RFLNA: variants seen among roughly 807,000 people sequenced by gnomAD.
The protein encoded by RFLNA is refilin-A.
In RFLNA, 5 loss-of-function variants were observed where a neutral mutation model predicts 7.8. The ratio of observed to expected loss-of-function variants is 0.64; its 90% confidence interval spans 0.34 to 1.35. RFLNA has a LOEUF of 1.35. Ranked by LOEUF, RFLNA falls within the 40% of genes most tolerant of loss-of-function variation. The pLI is 0.04. For synonymous variants in RFLNA, 141 were observed against 131.3 expected (o/e 1.07, Z -0.50); for missense variants, 278 against 305.5 (o/e 0.91, Z 0.67).
Position 124,306,791 on chromosome 12 carries a change from A to G in RFLNA, c.208-5027A>G, listed in dbSNP as rs1292687643. On this transcript the variant is annotated intron_variant, in intron 1 of 2. Coordinates refer to ENST00000546355, the MANE Select transcript of RFLNA (RefSeq NM_001365156.1). The surrounding 1 kb of genome is among the most constrained non-coding windows in gnomAD (Gnocchi z 5.2). ...AGCTCTGCATCCTCATTGTCCAGGC[A>G]GGTATGGGGGCGGCGGGGAGGGGAC... Among the ~76,000 whole-genome samples the G allele has an allele frequency of 6.6e-6, 1 of 152,140 alleles. No individual in the cohort carries two copies. The highest frequency in any genetic ancestry group is 6.5e-5 in the Admixed American group (1 of 15,284).
chr12:124,303,335 C>CG (rs1421502921), intron 1 of RFLNA, among the ~76,000 whole-genome samples: 1 of 152,172 alleles, frequency 6.6e-6, no homozygotes, highest in Admixed American at 6.5e-5. Flanking sequence ...CAGCGGCTCC[C>CG]GGGGAAGGCT....
rs201197146 is a variant in RFLNA at position 124,311,863 on chromosome 12, C to T, written c.253C>T (p.Arg85Trp). Residue 85 changes from arginine to tryptophan, a missense_variant, in exon 2 of 3, where the codon CGG (arginine) becomes TGG (tryptophan). Coordinates refer to ENST00000546355, the MANE Select transcript of RFLNA (RefSeq NM_001365156.1). ...PNPPASEMRP[R>W]MLPVFFGESI... ...TCCCCCGGCGTCGGAGATGAGGCCC[C>T]GGATGCTGCCAGTGTTCTTTGGGGA... is the stretch of plus-strand genomic sequence containing the variant. 1.3e-5 allele frequency: 20 copies of T among 1,598,244 alleles called. No individual in the cohort carries two copies. Among genetic ancestry groups the T allele is most frequent in the South Asian group, 8.9e-5 (8 of 89,550 alleles).
chr12:124,311,966 GGGGGGTT>G, intron 2 of RFLNA, 39 bp downstream of exon 2: 17 of 1,468,636 alleles, frequency 1.2e-5, no homozygotes, highest in African/African-American at 1.4e-5. Context: ...AGGAGGGGGT[GGGGGGTT>G]GGGTGCTGGT....
At chr12:124,312,163 G>A (rs1231107128) in intron 2 of RFLNA, among the ~76,000 whole-genome samples, 5 of 151,894 alleles carry the variant, frequency 3.3e-5, no homozygotes, top group South Asian at 4.2e-4. Flanking sequence ...TCCACCCCAC[G>A]CCCCCACCCC....
At chr12:124,302,267 C>G (rs1202896046) in intron 1 of RFLNA, among the ~76,000 whole-genome samples, 2 of 152,212 alleles carry the variant, frequency 1.3e-5, no homozygotes, top group Admixed American at 1.3e-4. Context: ...CCACACCCAT[C>G]TTGCTGACTT....
At chr12:124,305,398 T>C (rs1016408178) in intron 1 of RFLNA, among the ~76,000 whole-genome samples, 2 of 152,068 alleles carry the variant, frequency 1.3e-5, no homozygotes, top group African/African-American at 2.4e-5. Context: ...AGACGGGAAG[T>C]CATTGGCCCA....
chr12:124,310,190 A>AAAAAAAAAAAAAAAAAAAAAAAAAAAAC (rs2034215578), intron 1 of RFLNA, among the ~76,000 whole-genome samples: 1 of 146,274 alleles, frequency 6.8e-6, no homozygotes, highest in Non-Finnish European at 1.5e-5. Flanking sequence ...AAAAAAAAAA[A>AAAAAAAAAAAAAAAAAAAAAAAAAAAAC]AAAAAAGCCT....
chr12:124,315,485 C>T lies in RFLNA; in HGVS notation c.*960C>T, dbSNP rs2034335320. 6.6e-6 allele frequency: 1 copy of T among 152,260 alleles called. No homozygotes were observed. Among genetic ancestry groups the T allele is most frequent in the Non-Finnish European group, 1.5e-5 (1 of 68,066 alleles). 9.4% of individuals were successfully genotyped at this position (152,260 alleles called of 1,614,324 possible). ...GACACTGAGGGGACCGGGCTGCCGC[C>T]CTCAGCCTGCATTCCTGTGCGCAAT... On this transcript the variant is annotated 3_prime_UTR_variant, in exon 3 of 3. Transcript: ENST00000546355.
At chr12:124,294,920 G>T (rs889692680), upstream of RFLNA, among the ~76,000 whole-genome samples, 1 of 152,184 alleles carries the variant, frequency 6.6e-6, no homozygotes, top group African/African-American at 2.4e-5. Context: ...GGGAGTGGGG[G>T]ACACACGCGC....
intron 1 of RFLNA, among the ~76,000 whole-genome samples, chr12:124,298,303 A>G (rs1455470401): frequency 6.6e-6 from 1 of 151,020 alleles, no homozygotes; most frequent in Non-Finnish European, 1.5e-5. Flanking sequence ...AGGCCCCCCC[A>G]CTTTGTTTGA....
At position 124,289,503 on chromosome 12, in the gene RFLNA, T is replaced by G. The variant is rs2033785395; in HGVS notation, c.-37+133T>G. On this transcript the variant is annotated intron_variant, in intron 1 of 2. Coordinates refer to the RFLNA transcript ENST00000324038. This position sits in a 1 kb window ranked among gnomAD's most constrained non-coding sequence, Gnocchi z 5.0. ...AGCACTGGGAATCTGGAGGCTGTCC[T>G]GGACACGCACATACAAATGGCAGCA... 1 of 152,230 alleles carries G rather than the reference T, an allele frequency of 6.6e-6. No homozygotes were observed. The highest frequency in any genetic ancestry group is 1.9e-4 in the East Asian group (1 of 5,190). 9.4% of individuals were successfully genotyped at this position (152,230 alleles called of 1,614,324 possible). A position where few individuals can be genotyped will look rare whatever the true frequency, so the allele number is the denominator to read the frequency against.
chr12:124,314,298 C>T lies in RFLNA; in HGVS notation c.424C>T (p.Pro142Ser), dbSNP rs1490275259. ...TAYSETIVAAPNCTWRNYRSQ... is the reference protein window; with the variant it reads ...TAYSETIVAASNCTWRNYRSQ... ...CTACAGCGAGACCATCGTGGCAGCA[C>T]CCAACTGCACGTGGCGCAACTACCG... The change falls in exon 3 of 3, where the codon CCC becomes TCC. Residue 142 changes from proline to serine, a missense_variant. Coordinates refer to ENST00000546355, the MANE Select transcript of RFLNA (RefSeq NM_001365156.1). 6.2e-7 allele frequency: 1 copy of T among 1,613,432 alleles called. No individual in the cohort carries two copies. The highest frequency in any genetic ancestry group is 8.5e-7 in the Non-Finnish European group (1 of 1,180,040).
At chr12:124,294,145 G>C (rs1273919159), upstream of RFLNA, among the ~76,000 whole-genome samples, 2 of 152,184 alleles carry the variant, frequency 1.3e-5, no homozygotes, top group Non-Finnish European at 2.9e-5. Flanking sequence ...TCAGTTTGGG[G>C]GTGTCCAAAG....
At chr12:124,303,887 G>A (rs187315499) in intron 1 of RFLNA, among the ~76,000 whole-genome samples, 1 of 152,202 alleles carries the variant, frequency 6.6e-6, no homozygotes, top group African/African-American at 2.4e-5. Flanking sequence ...GGGGCTTCCC[G>A]TGCCCAAGGT....
intron 1 of RFLNA, among the ~76,000 whole-genome samples, chr12:124,297,479 A>C (rs2135674292): frequency 6.6e-6 from 1 of 152,218 alleles, no homozygotes; most frequent in East Asian, 1.9e-4. Context: ...CAATTCATTT[A>C]ATTTTCACTA....
In RFLNA at chr12:124,314,613, C is replaced by A. The variant is rs79387110; in HGVS notation, c.*88C>A. 0.081 allele frequency: 123,442 copies of A among 1,531,862 alleles called. 5,422 individuals carry two copies. The highest frequency in any genetic ancestry group is 0.15 in the African/African-American group (10,996 of 73,074). 94.9% of individuals were successfully genotyped at this position (1,531,862 alleles called of 1,614,324 possible). A position where few individuals can be genotyped will look rare whatever the true frequency, so the allele number is the denominator to read the frequency against. On this transcript the variant is annotated 3_prime_UTR_variant, in exon 3 of 3. Coordinates refer to ENST00000546355, the MANE Select transcript of RFLNA (RefSeq NM_001365156.1). ...TGGACACGATGAGCTCGGCCTGGCA[C>A]TCGGGCAGGAGGCGGGAAGGGAGGC...
At chr12:124,312,580 G>A (rs867951785) in intron 2 of RFLNA, among the ~76,000 whole-genome samples, 1 of 152,236 alleles carries the variant, frequency 6.6e-6, no homozygotes, top group Non-Finnish European at 1.5e-5. Flanking sequence ...TAGAATGCTG[G>A]GATGACAGGT....
upstream of RFLNA, among the ~76,000 whole-genome samples, chr12:124,293,064 C>T (rs1318148025): frequency 1.3e-5 from 2 of 152,148 alleles, no homozygotes; most frequent in African/African-American, 4.8e-5. Context: ...GTTGGGATTA[C>T]AGGCGCCCGC....
At chr12:124,302,749 G>A (rs1317682861) in intron 1 of RFLNA, among the ~76,000 whole-genome samples, 2 of 151,814 alleles carry the variant, frequency 1.3e-5, no homozygotes, top group Non-Finnish European at 2.9e-5. Context: ...ACAGCAGCAG[G>A]GGTTCTCACC....
Sources: allele counts gnomAD v4.1 joint callset (sites outside exome capture counted in the v4.1 genomes callset), GRCh38; gene constraint gnomAD v4.1.1; non-coding constraint Gnocchi (gnomAD v3.1); transcripts MANE v1.5; gene names NCBI Gene and HGNC (gene_info 2026-07-23, HGNC 2026-07-21).